The following DCC variants were observed in gnomAD, a reference collection of about 807,000 sequenced individuals.
The protein encoded by DCC is netrin receptor DCC.
Under a neutral mutation model 172.5 loss-of-function variants are expected in DCC, and 58 were observed. The ratio of observed to expected loss-of-function variants is 0.34; its 90% CI spans 0.27 to 0.42. The LOEUF is 0.42. Ranked by LOEUF, DCC falls within the 10% of genes least tolerant of loss-of-function variation. The probability of loss-of-function intolerance (pLI) is 1.00; values close to 1 mark genes in which losing one functional copy is unlikely to be tolerated. For missense variants in DCC, 1,740 were observed against 1,791.0 expected (o/e 0.97, Z 0.51); for synonymous variants, 709 against 644.5 (o/e 1.10, Z -1.52).
intron 23 of DCC, among the ~76,000 whole-genome samples, chr18:53,454,270 G>C (rs2045455778): frequency 6.6e-6 from 1 of 152,158 alleles, no homozygotes; most frequent in African/African-American, 2.4e-5. Flanking sequence ...ACTTAAGCCT[G>C]GGATGTGGAA....
chr18:53,435,064 G>A (rs1911849381), intron 21 of DCC, 80 bp from the exon 22 acceptor site: 2 of 1,035,208 alleles, frequency 1.9e-6, no homozygotes, highest in Non-Finnish European at 1.5e-6. Flanking sequence ...CTGTTATTGT[G>A]TGTGTTAAAA....
chr18:52,827,638 A>G lies in DCC; in HGVS notation c.412+75264A>G, dbSNP rs1002888676. 4.0e-4 allele frequency among the ~76,000 whole-genome samples: 61 copies of G among 152,262 alleles called. 2 individuals are homozygous for G. ...ATTGGTATTCTGTTACTTGGGGGCC[A>G]TAGAAAATCTAATTCCTAATCCACA... On this transcript the variant is annotated intron_variant, in intron 2 of 28. Transcript: ENST00000442544.
chr18:52,919,846 A>G (rs1356267518), intron 3 of DCC, among the ~76,000 whole-genome samples: 1 of 152,112 alleles, frequency 6.6e-6, no homozygotes, highest in Non-Finnish European at 1.5e-5. Flanking sequence ...CTATAAAGTT[A>G]CAACAGTCAA....
chr18:52,378,207 T>C (rs1340979225), intron 1 of DCC, among the ~76,000 whole-genome samples: 1 of 152,116 alleles, frequency 6.6e-6, no homozygotes, highest in Non-Finnish European at 1.5e-5. Context: ...TGAATGTCTT[T>C]ACTTATTTTC....
intron 5 of DCC, among the ~76,000 whole-genome samples, chr18:53,022,603 A>G (rs1039958390): frequency 6.6e-6 from 1 of 151,172 alleles, no homozygotes; most frequent in Non-Finnish European, 1.5e-5. Flanking sequence ...AAAACTAGGA[A>G]CTCTAAATTT....
chr18:52,708,096 T>A (rs111890212), intron 1 of DCC, among the ~76,000 whole-genome samples: 1 of 152,214 alleles, frequency 6.6e-6, no homozygotes, highest in Non-Finnish European at 1.5e-5. Flanking sequence ...CAAAACATCA[T>A]GTTGTATGCC....
intron 2 of DCC, among the ~76,000 whole-genome samples, chr18:52,757,629 G>A (rs998279019): frequency 6.6e-6 from 1 of 151,968 alleles, no homozygotes; most frequent in African/African-American, 2.4e-5. Flanking sequence ...CAAGGGTAAA[G>A]CAATGTTGAC....
intron 14 of DCC, among the ~76,000 whole-genome samples, chr18:53,330,017 T>G (rs2057512711): frequency 6.6e-6 from 1 of 152,224 alleles, no homozygotes; most frequent in Admixed American, 6.5e-5. Context: ...GAAAATGTTT[T>G]TCTTCTCTTA....
intron 1 of DCC, among the ~76,000 whole-genome samples, chr18:52,372,558 G>A (rs1402554314): frequency 1.3e-5 from 2 of 152,156 alleles, no homozygotes; most frequent in East Asian, 3.8e-4. Context: ...CTATTACATG[G>A]CAGTGACCCT....
chr18:53,029,561 A>T (rs62097947), intron 5 of DCC, among the ~76,000 whole-genome samples: 49,712 of 151,992 alleles, frequency 0.33, 9,036 homozygotes, highest in Non-Finnish European at 0.42. Context: ...ATCTACTTCT[A>T]TATTCCAGTT....
At chr18:53,350,939 CAG>C (rs1012596948) in intron 15 of DCC, among the ~76,000 whole-genome samples, 2 of 151,718 alleles carry the variant, frequency 1.3e-5, no homozygotes, top group African/African-American at 4.8e-5. Flanking sequence ...ACTACTTGCT[CAG>C]AGAGAAGTGA....
chr18:52,774,678 G>A (rs1201180718), intron 2 of DCC, among the ~76,000 whole-genome samples: 2 of 152,138 alleles, frequency 1.3e-5, no homozygotes, highest in African/African-American at 2.4e-5. Flanking sequence ...CTCTAGGGGA[G>A]CATACAGTCG....
At chr18:53,304,385 GATA>G (rs1398054787) in intron 12 of DCC, among the ~76,000 whole-genome samples, 3 of 151,990 alleles carry the variant, frequency 2.0e-5, no homozygotes, top group Non-Finnish European at 2.9e-5. Flanking sequence ...CTAGGGCAAA[GATA>G]ATAATTTTCT....
chr18:53,277,372 C>G (rs1041270780), intron 12 of DCC, among the ~76,000 whole-genome samples: 4 of 152,040 alleles, frequency 2.6e-5, no homozygotes, highest in African/African-American at 9.7e-5. Context: ...GAAGGAGGAT[C>G]CTTATTATTC....
intron 1 of DCC, among the ~76,000 whole-genome samples, chr18:52,678,420 A>T (rs1408886395): frequency 1.3e-5 from 2 of 152,154 alleles, no homozygotes. Context: ...TTTGCCATTA[A>T]TCTTAATAAG....
intron 21 of DCC, among the ~76,000 whole-genome samples, chr18:53,423,124 T>C (rs1390620947): frequency 6.6e-6 from 1 of 152,206 alleles, no homozygotes; most frequent in Non-Finnish European, 1.5e-5. Flanking sequence ...TCAGTACTCA[T>C]AGGAATTGAT....
At chr18:52,895,910 G>T (rs973065444) in intron 2 of DCC, among the ~76,000 whole-genome samples, 1 of 151,998 alleles carries the variant, frequency 6.6e-6, no homozygotes, top group Non-Finnish European at 1.5e-5. Flanking sequence ...TCAGCCTCCC[G>T]AGTAGCTGGA....
At chr18:53,066,706 A>C (rs992117172) in intron 7 of DCC, among the ~76,000 whole-genome samples, 1 of 151,942 alleles carries the variant, frequency 6.6e-6, no homozygotes, top group East Asian at 1.9e-4. Flanking sequence ...TCTTGAATCA[A>C]TGGAAGTTAA....
At chr18:52,985,107 G>A (rs1259322463) in intron 5 of DCC, among the ~76,000 whole-genome samples, 1 of 151,800 alleles carries the variant, frequency 6.6e-6, no homozygotes, top group African/African-American at 2.4e-5. Flanking sequence ...TGATTGTTCG[G>A]CTCTACCACG....
Sources: gnomAD v4.1 joint callset for allele counts (sites outside exome capture counted in the v4.1 genomes callset) on GRCh38, gnomAD v4.1.1 for gene constraint, MANE v1.5 for transcripts, NCBI Gene and HGNC (gene_info 2026-07-23, HGNC 2026-07-21) for gene names.